The following ANXA4 variants were observed in gnomAD, a reference collection of about 807,000 sequenced individuals.
ANXA4 encodes the protein 35-beta calcimedin.
ANXA4 carries 39 observed loss-of-function variants against 49.8 expected under a neutral mutation model. That is an observed-to-expected ratio of 0.78 (90% confidence interval 0.61 to 1.02). ANXA4 has a LOEUF of 1.02. Among genes scored for constraint, ANXA4 ranks in the 50% least tolerant of loss-of-function variants. The pLI, the probability that ANXA4 is intolerant of heterozygous loss-of-function variation, is 0.00. For synonymous variants in ANXA4, 134 were observed against 152.5 expected (o/e 0.88, Z 0.89); for missense variants, 360 against 410.1 (o/e 0.88, Z 1.05).
At chr2:69,780,268 C>T (rs1303178634) in intron 1 of ANXA4, among the ~76,000 whole-genome samples, 3 of 152,144 alleles carry the variant, frequency 2.0e-5, no homozygotes, top group East Asian at 3.9e-4. Flanking sequence ...GATCTTGGCT[C>T]GCTGCAACCT....
chr2:69,804,746 G>C, intron 4 of ANXA4, 119 bp downstream of exon 4: 1 of 897,578 alleles, frequency 1.1e-6, no homozygotes, highest in Non-Finnish European at 1.7e-6. Flanking sequence ...CCTTTGTCTT[G>C]TTTAAAGATG....
chr2:69,660,380 AC>A (rs1484926636), intron 2 of ANXA4, among the ~76,000 whole-genome samples: 1 of 152,160 alleles, frequency 6.6e-6, no homozygotes, highest in Non-Finnish European at 1.5e-5. Context: ...GGTCTCATAG[AC>A]TAAAACAAAT....
At chr2:69,737,609 A>T (rs1049514487), upstream of ANXA4, among the ~76,000 whole-genome samples, 1 of 151,714 alleles carries the variant, frequency 6.6e-6, no homozygotes, top group Non-Finnish European at 1.5e-5. Flanking sequence ...TTATTTATTT[A>T]CTTATTGAGA....
intron 12 of ANXA4, 78 bp downstream of exon 12, chr2:69,820,899 TC>T (rs1674221467): frequency 1.4e-6 from 2 of 1,462,814 alleles, no homozygotes; most frequent in African/African-American, 2.8e-5. Context: ...GCACTTGTTG[TC>T]CCCCTCTTCT....
chr2:69,681,057 T>C (rs1677581464), intron 2 of ANXA4, among the ~76,000 whole-genome samples: 1 of 152,178 alleles, frequency 6.6e-6, no homozygotes, highest in Admixed American at 6.6e-5. Context: ...CTTCACTTTT[T>C]TGGAATAGTT....
chr2:69,669,565 C>T (rs56012956), intron 2 of ANXA4, among the ~76,000 whole-genome samples: 11,389 of 151,434 alleles, frequency 0.075, 525 homozygotes, highest in African/African-American at 0.12. Context: ...GAGCCGAGAT[C>T]GCGCCACTGC....
intron 2 of ANXA4, among the ~76,000 whole-genome samples, chr2:69,785,540 T>C (rs1672377974): frequency 6.7e-6 from 1 of 149,922 alleles, no homozygotes; most frequent in East Asian, 1.9e-4. Context: ...GAGGTACAGC[T>C]GAAGTTCTCT....
At chr2:69,794,021 G>A (rs923730589) in intron 3 of ANXA4, among the ~76,000 whole-genome samples, 1 of 152,124 alleles carries the variant, frequency 6.6e-6, no homozygotes, top group Non-Finnish European at 1.5e-5. Context: ...ACTTTACAAA[G>A]AATGCAAACA....
At chr2:69,670,438 C>CAAAAAAAAAA (rs748196181) in intron 2 of ANXA4, among the ~76,000 whole-genome samples, 1 of 44,796 alleles carries the variant, frequency 2.2e-5, no homozygotes, top group Non-Finnish European at 4.6e-5. Flanking sequence ...GACTCAATCT[C>CAAAAAAAAAA]AAAAAAAAAA....
At chr2:69,729,763 A>ATTAAAG (rs148456893) in intron 3 of ANXA4, among the ~76,000 whole-genome samples, 9,988 of 152,238 alleles carry the variant, frequency 0.066, 953 homozygotes, top group African/African-American at 0.21. Context: ...TTTTCATCAT[A>ATTAAAG]TTAGTTTTTA....
At chr2:69,771,252 C>T (rs1374517703) in intron 1 of ANXA4, among the ~76,000 whole-genome samples, 5 of 152,044 alleles carry the variant, frequency 3.3e-5, no homozygotes. Flanking sequence ...ATTAGATGGA[C>T]AGAATTCATC....
intron 1 of ANXA4, among the ~76,000 whole-genome samples, chr2:69,647,297 T>C (rs1445769250): frequency 1.3e-5 from 2 of 152,180 alleles, no homozygotes; most frequent in Non-Finnish European, 2.9e-5. Context: ...TTTATAAACC[T>C]TGGGATTCTT....
chr2:69,739,064 T>C (rs1046641343), upstream of ANXA4, among the ~76,000 whole-genome samples: 1 of 152,212 alleles, frequency 6.6e-6, no homozygotes, highest in African/African-American at 2.4e-5. Flanking sequence ...AGAACATCCT[T>C]CCAATCATCC....
intron 1 of ANXA4, among the ~76,000 whole-genome samples, chr2:69,649,651 G>A (rs1434062303): frequency 3.7e-5 from 4 of 107,092 alleles, no homozygotes; most frequent in South Asian, 6.6e-4. Context: ...TCGCCCTACC[G>A]CCCAGGCTGG....
In ANXA4 at chr2:69,656,355, GTGTATATATATGTGTATATATGTGTA is replaced by G. The variant is rs1559046594; in HGVS notation, n.766+3075_766+3100del. ...TATGTGTATATATATGTGTATATATGTGTATATATATGTGTATATATGTGTATATATATGTGTATATATATGTATAT... is the reference window on the plus strand; with the variant it reads ...TATGTGTATATATATGTGTATATATGTATATATGTGTATATATATGTATAT... On this transcript the variant is annotated intron_variant and non_coding_transcript_variant, in intron 2 of 3. Transcript: ENST00000418066. Among the ~76,000 whole-genome samples, 6 of 127,036 alleles carry G rather than the reference GTGTATATATATGTGTATATATGTGTA, an allele frequency of 4.7e-5. No homozygotes were observed. The East Asian group carries it at 1.8e-3, about 39-fold the overall frequency. The allele number at this position is 127,036 out of a possible 152,430, so 83.3% of individuals were successfully genotyped here. A position where few individuals can be genotyped will look rare whatever the true frequency, so the allele number is the denominator to read the frequency against.
At chr2:69,760,140 CT>C (rs1401015127) in intron 1 of ANXA4, among the ~76,000 whole-genome samples, 2 of 152,078 alleles carry the variant, frequency 1.3e-5, no homozygotes, top group African/African-American at 4.8e-5. Context: ...CCTGTTTTAT[CT>C]TTTTTTGTGA....
chr2:69,806,602 C>T (rs1390719400), intron 5 of ANXA4, 104 bp downstream of exon 5: 39 of 873,860 alleles, frequency 4.5e-5, no homozygotes, highest in Middle Eastern at 3.1e-4. Context: ...GCAACCTAAA[C>T]GCCCATCAAT....
intron 1 of ANXA4, among the ~76,000 whole-genome samples, chr2:69,650,973 C>G (rs1054314144): frequency 1.3e-5 from 2 of 152,164 alleles, no homozygotes; most frequent in East Asian, 1.9e-4. Context: ...CAAAACAATG[C>G]TAGGCACTGG....
chr2:69,725,719 C>G lies in ANXA4; in HGVS notation n.864+4848C>G, dbSNP rs1159964284. On this transcript the variant is annotated intron_variant and non_coding_transcript_variant, in intron 3 of 3. Transcript: ENST00000418066. ...AGTGTGTGGCCTTCAGGCTAATGTG[C>G]ACTGTAAGAGGCTAAATGAGACTCT... is the stretch of plus-strand genomic sequence containing the variant. Among the ~76,000 whole-genome samples, 4 of 152,158 alleles carry G rather than the reference C, an allele frequency of 2.6e-5. No homozygotes were observed. In the East Asian group the frequency reaches 7.7e-4, roughly 29 times the overall value.
Sources: allele counts gnomAD v4.1 joint callset (sites outside exome capture counted in the v4.1 genomes callset), GRCh38; gene constraint gnomAD v4.1.1; transcripts MANE v1.5; gene names NCBI Gene and HGNC (gene_info 2026-07-23, HGNC 2026-07-21).